Variants in BEAN1 observed in about 807,000 individuals in gnomAD.
The protein encoded by BEAN1 is brain expressed associated with NEDD4 1, also known as protein BEAN1.
In BEAN1, 17 loss-of-function variants were observed where a neutral mutation model predicts 17.7. The observed-to-expected ratio is 0.96, with a 90% CI of 0.66 to 1.44. The LOEUF is 1.44. BEAN1 is among the 40% of genes most tolerant of loss of function. BEAN1 has a pLI of 0.00. For missense variants in BEAN1, 359 were observed against 374.1 expected (o/e 0.96, Z 0.33); for synonymous variants, 142 against 151.8 (o/e 0.94, Z 0.47).
intron 2 of BEAN1, among the ~76,000 whole-genome samples, chr16:66,463,529 T>C (rs1963160503): frequency 6.6e-6 from 1 of 152,240 alleles, no homozygotes; most frequent in African/African-American, 2.4e-5. Flanking sequence ...CTTTACATAT[T>C]CTAGGTAAAA....
At chr16:66,442,655 G>A (rs2142386482) in intron 2 of BEAN1, among the ~76,000 whole-genome samples, 1 of 152,190 alleles carries the variant, frequency 6.6e-6, no homozygotes, top group East Asian at 1.9e-4. Context: ...TATCAGCTGG[G>A]GCAAGCAGCC....
In BEAN1 at chr16:66,434,546, T is replaced by C. The variant is rs956113479; in HGVS notation, c.-82-3049T>C. On this transcript the variant is annotated intron_variant, in intron 1 of 4. Coordinates refer to ENST00000536005, the MANE Select transcript of BEAN1 (RefSeq NM_001178020.3). The surrounding 1 kb of genome is among the most constrained non-coding windows in gnomAD (Gnocchi z 4.3). Reference sequence around the variant, plus strand: ...GGACCCCCCAAAGTCCCTCCATGTGTTTTCCAAGGGTTTTGTGGGACACCG... The same window carrying C: ...GGACCCCCCAAAGTCCCTCCATGTGCTTTCCAAGGGTTTTGTGGGACACCG... Among the ~76,000 whole-genome samples, 5 of 152,090 alleles carry C rather than the reference T, an allele frequency of 3.3e-5. No homozygotes were observed. The highest frequency in any genetic ancestry group is 5.9e-5 in the Non-Finnish European group (4 of 67,998).
intron 2 of BEAN1, among the ~76,000 whole-genome samples, chr16:66,440,627 C>G (rs559032416): frequency 6.6e-6 from 1 of 152,212 alleles, no homozygotes; most frequent in African/African-American, 2.4e-5. Context: ...GTGCAGCCCC[C>G]GCCCTTCTCG....
chr16:66,433,891 T>C (rs1352655423), intron 1 of BEAN1, among the ~76,000 whole-genome samples: 1 of 152,176 alleles, frequency 6.6e-6, no homozygotes, highest in African/African-American at 2.4e-5. Context: ...CCCCAGACAC[T>C]GGCGCGTCAG....
At chr16:66,459,660 C>T (rs976152317) in intron 2 of BEAN1, among the ~76,000 whole-genome samples, 15 of 152,242 alleles carry the variant, frequency 9.9e-5, no homozygotes, top group African/African-American at 1.9e-4. Context: ...AGACCCCTCA[C>T]GGTATGGTCC....
At chr16:66,465,670 A>C (rs1963236485) in intron 2 of BEAN1, among the ~76,000 whole-genome samples, 1 of 152,176 alleles carries the variant, frequency 6.6e-6, no homozygotes, top group African/African-American at 2.4e-5. Context: ...TTCTTCTGTA[A>C]ATTTTTGGTA....
rs1963960345 is a variant in BEAN1 at position 66,480,824 on chromosome 16, G to A, written c.679G>A (p.Gly227Ser). Residue 227 changes from glycine (G) to serine (S), a missense_variant, in exon 5 of 5, where the codon GGC becomes AGC. Transcript: ENST00000536005. ...EAVCGAGPPS[G>S]LLPLPGPDPG... Reference sequence around the variant, plus strand: ...TGTGTGCGGGGCTGGCCCCCCATCAGGCCTGCTGCCACTGCCGGGCCCAGA... The same window carrying A: ...TGTGTGCGGGGCTGGCCCCCCATCAAGCCTGCTGCCACTGCCGGGCCCAGA... The A allele has an allele frequency of 3.3e-6, 5 of 1,536,676 alleles. No homozygotes were observed. Among genetic ancestry groups the A allele is most frequent in the South Asian group, 1.2e-5 (1 of 82,748 alleles).
intron 1 of BEAN1, among the ~76,000 whole-genome samples, chr16:66,435,838 G>A (rs1280159820): frequency 1.3e-5 from 2 of 152,154 alleles, no homozygotes; most frequent in African/African-American, 4.8e-5. Context: ...TCTTTGGAGA[G>A]TCTGTGCTCA....
chr16:66,487,563 C>A (rs1964106036), downstream of BEAN1, among the ~76,000 whole-genome samples: 1 of 152,170 alleles, frequency 6.6e-6, no homozygotes, highest in African/African-American at 2.4e-5. Context: ...CTCTGCCCAG[C>A]CAGCATCCCC....
At chr16:66,470,721 G>T (rs1196849686) in intron 3 of BEAN1, among the ~76,000 whole-genome samples, 1 of 152,222 alleles carries the variant, frequency 6.6e-6, no homozygotes, top group Non-Finnish European at 1.5e-5. Flanking sequence ...ATCTGTGCAT[G>T]TGGCTAGAAT....
chr16:66,436,889 C>T (rs907243266), intron 1 of BEAN1, among the ~76,000 whole-genome samples: 25 of 151,994 alleles, frequency 1.6e-4, no homozygotes, highest in Non-Finnish European at 8.8e-5. Context: ...TTCTGTAGGC[C>T]TTTGTTTCTG....
chr16:66,448,813 T>A (rs1485800873), intron 2 of BEAN1, among the ~76,000 whole-genome samples: 1 of 151,642 alleles, frequency 6.6e-6, no homozygotes, highest in African/African-American at 2.4e-5. Context: ...CGAGACTCTG[T>A]CTCAAAAAAA....
At chr16:66,477,377 A>T (rs1218481508) in intron 3 of BEAN1, among the ~76,000 whole-genome samples, 183 bp from the exon 4 acceptor site, 1 of 152,170 alleles carries the variant, frequency 6.6e-6, no homozygotes, top group Non-Finnish European at 1.5e-5. Flanking sequence ...CCCATGCCCA[A>T]CACGACAATG....
At chr16:66,472,718 A>T (rs1963530042) in intron 3 of BEAN1, among the ~76,000 whole-genome samples, 1 of 151,906 alleles carries the variant, frequency 6.6e-6, no homozygotes, top group Admixed American at 6.5e-5. Flanking sequence ...AATAAAAAGT[A>T]AATAAAGAAT....
chr16:66,452,909 G>T (rs1326806139), intron 2 of BEAN1, among the ~76,000 whole-genome samples: 1 of 152,032 alleles, frequency 6.6e-6, no homozygotes, highest in Non-Finnish European at 1.5e-5. Context: ...TTCAAATCCT[G>T]TCTCCCTCCC....
intron 2 of BEAN1, among the ~76,000 whole-genome samples, chr16:66,453,216 G>GCCTTTCTTCTTTT (rs1362671742): frequency 1.3e-5 from 2 of 151,844 alleles, no homozygotes; most frequent in African/African-American, 4.8e-5. Flanking sequence ...TCAAGTCGAG[G>GCCTTTCTTCTTTT]CCTTTCTTCT....
intron 3 of BEAN1, among the ~76,000 whole-genome samples, chr16:66,476,026 C>G (rs972548173): frequency 6.6e-6 from 1 of 151,050 alleles, no homozygotes; most frequent in Non-Finnish European, 1.5e-5. Context: ...AGGAGAATGG[C>G]GTGGACCCCG....
Position 66,434,269 on chromosome 16 carries a change from C to T in BEAN1, c.-82-3326C>T, listed in dbSNP as rs1001295720. 2.1e-5 allele frequency among the ~76,000 whole-genome samples: 3 copies of T among 144,716 alleles called. No individual in the cohort carries two copies. The highest frequency in any genetic ancestry group is 7.5e-5 in the African/African-American group (3 of 40,074). The allele number at this position is 144,716 out of a possible 152,430, so 94.9% of individuals were successfully genotyped here. ...CAAAGGAACCACAGTCCCAGCCCAT[C>T]TGTGCCCCTCATGGCTGTCTCCTCT... On this transcript the variant is annotated intron_variant, in intron 1 of 4. Transcript: ENST00000536005. The surrounding 1 kb of genome is among the most constrained non-coding windows in gnomAD (Gnocchi z 4.3).
intron 4 of BEAN1, among the ~76,000 whole-genome samples, chr16:66,489,503 G>A (rs968909310): frequency 2.6e-5 from 4 of 152,170 alleles, no homozygotes; most frequent in African/African-American, 9.7e-5. Flanking sequence ...GGCCACGTTT[G>A]ACCCTGGACC....
Sources: allele counts gnomAD v4.1 joint callset (sites outside exome capture counted in the v4.1 genomes callset), GRCh38; gene constraint gnomAD v4.1.1; non-coding constraint Gnocchi (gnomAD v3.1); transcripts MANE v1.5; gene names NCBI Gene and HGNC (gene_info 2026-07-23, HGNC 2026-07-21).